Variants in PDE1C observed in about 807,000 individuals in gnomAD.
The protein encoded by PDE1C is dual specificity calcium/calmodulin-dependent 3',5'-cyclic nucleotide phosphodiesterase 1C.
In PDE1C, 62 loss-of-function variants were observed where a neutral mutation model predicts 93.1. The ratio of observed to expected loss-of-function variants is 0.67; its 90% CI spans 0.54 to 0.82. PDE1C has a LOEUF of 0.82. Ranked by LOEUF, PDE1C falls within the 40% of genes least tolerant of loss-of-function variation. The pLI, the probability that PDE1C is intolerant of heterozygous loss-of-function variation, is 0.00. For missense variants in PDE1C, 742 were observed against 884.6 expected (o/e 0.84, Z 2.04); for synonymous variants, 325 against 310.1 (o/e 1.05, Z -0.50).
intron 2 of PDE1C, among the ~76,000 whole-genome samples, chr7:32,046,238 A>T (rs1166675071): frequency 6.6e-6 from 1 of 152,130 alleles, no homozygotes; most frequent in Admixed American, 6.5e-5. Context: ...AAGCCTAAAA[A>T]TCAGCAAAAC....
chr7:31,823,972 G>T (rs534942832), intron 13 of PDE1C, among the ~76,000 whole-genome samples: 2 of 152,074 alleles, frequency 1.3e-5, no homozygotes, highest in Non-Finnish European at 2.9e-5. Flanking sequence ...GAAGAGCTGT[G>T]GGGCCATGGG....
At chr7:32,230,325 T>G (rs541543723) in intron 1 of PDE1C, among the ~76,000 whole-genome samples, 1 of 152,278 alleles carries the variant, frequency 6.6e-6, no homozygotes, top group African/African-American at 2.4e-5. Flanking sequence ...AGCACTTAAT[T>G]TGCTCTTCCT....
intron 17 of PDE1C, among the ~76,000 whole-genome samples, chr7:31,771,840 G>C (rs1158641457): frequency 1.3e-5 from 2 of 152,004 alleles, no homozygotes; most frequent in Non-Finnish European, 2.9e-5. Flanking sequence ...CAGATCACAA[G>C]GTCAGGAGAT....
At position 32,171,488 on chromosome 7, in the gene PDE1C, ATTAT is replaced by A. The variant is rs1802648819; in HGVS notation, c.137-1536_137-1533del. 6.0e-5 allele frequency among the ~76,000 whole-genome samples: 9 copies of A among 149,614 alleles called. No individual in the cohort carries two copies. In the South Asian group the frequency reaches 1.9e-3, roughly 31 times the overall value. On this transcript the variant is annotated intron_variant, in intron 2 of 18. Transcript: ENST00000396193. ...ATACAATAACTATTTACTTAATATT[ATTAT>A]TTTACTTATTATTATTAAAATTAAA...
At chr7:31,690,238 C>T in the PDE1C span, among the ~76,000 whole-genome samples, 2 of 152,176 alleles carry the variant, frequency 1.3e-5, no homozygotes, top group Admixed American at 6.5e-5. Flanking sequence ...AAAAATCTAG[C>T]GTGGTAGATA....
chr7:32,323,147 G>A (rs1783332673), intron 1 of PDE1C, among the ~76,000 whole-genome samples: 1 of 152,176 alleles, frequency 6.6e-6, no homozygotes, highest in South Asian at 2.1e-4. Context: ...CCATGAGCAG[G>A]ATTGTATCAT....
chr7:31,891,922 G>A (rs1272452430), intron 2 of PDE1C, among the ~76,000 whole-genome samples: 1 of 152,080 alleles, frequency 6.6e-6, no homozygotes, highest in African/African-American at 2.4e-5. Context: ...AAATTGTCCT[G>A]TAGTTTTTCA....
At chr7:32,094,638 T>C (rs373568805) in intron 3 of PDE1C, among the ~76,000 whole-genome samples, 1 of 152,196 alleles carries the variant, frequency 6.6e-6, no homozygotes, top group Non-Finnish European at 1.5e-5. Flanking sequence ...CATTATTTCT[T>C]TACTCGTTTG....
intron 1 of PDE1C, among the ~76,000 whole-genome samples, chr7:32,256,580 C>T (rs1809812502): frequency 6.6e-6 from 1 of 152,218 alleles, no homozygotes; most frequent in Non-Finnish European, 1.5e-5. Context: ...CAACAGATTC[C>T]TGTTGCCCAC....
chr7:31,776,108 C>G (rs1782941410), intron 16 of PDE1C, among the ~76,000 whole-genome samples: 1 of 152,192 alleles, frequency 6.6e-6, no homozygotes, highest in Non-Finnish European at 1.5e-5. Context: ...TTCTAATGTG[C>G]ATCCAGGATG....
chr7:31,919,192 G>T (rs1802306105), intron 2 of PDE1C, among the ~76,000 whole-genome samples: 1 of 152,130 alleles, frequency 6.6e-6, no homozygotes, highest in Non-Finnish European at 1.5e-5. Flanking sequence ...CAAGAACTCG[G>T]ACTAGACAGT....
At chr7:31,986,398 C>A (rs930396777) in intron 2 of PDE1C, among the ~76,000 whole-genome samples, 2 of 152,152 alleles carry the variant, frequency 1.3e-5, no homozygotes, top group Non-Finnish European at 2.9e-5. Flanking sequence ...CTAGTTATAT[C>A]TGCAAAGACT....
At chr7:31,916,566 T>G (rs1056027201) in intron 2 of PDE1C, among the ~76,000 whole-genome samples, 5 of 152,160 alleles carry the variant, frequency 3.3e-5, no homozygotes, top group Non-Finnish European at 2.9e-5. Flanking sequence ...TGACCTTACG[T>G]CATGCAAATT....
chr7:31,664,209 A>T, the PDE1C span, among the ~76,000 whole-genome samples: 1 of 152,224 alleles, frequency 6.6e-6, no homozygotes, highest in African/African-American at 2.4e-5. Flanking sequence ...ATTACAGGTG[A>T]GGAGTAGGCA....
intron 1 of PDE1C, among the ~76,000 whole-genome samples, chr7:32,370,092 C>T (rs966508207): frequency 6.6e-5 from 10 of 152,122 alleles, no homozygotes; most frequent in African/African-American, 1.9e-4. Flanking sequence ...AAATGTCCAT[C>T]AATGATAGAC....
chr7:31,715,040 T>C, the PDE1C span, among the ~76,000 whole-genome samples: 1 of 152,182 alleles, frequency 6.6e-6, no homozygotes, highest in Non-Finnish European at 1.5e-5. Flanking sequence ...CAACTGGTTA[T>C]GTAGCATGAG....
chr7:31,905,165 A>C (rs1418980900), intron 2 of PDE1C, among the ~76,000 whole-genome samples: 1 of 152,190 alleles, frequency 6.6e-6, no homozygotes, highest in Non-Finnish European at 1.5e-5. Flanking sequence ...TAGACCCAAG[A>C]AATAAAAAGC....
intron 2 of PDE1C, among the ~76,000 whole-genome samples, chr7:32,010,278 A>G (rs1786901553): frequency 6.6e-6 from 1 of 152,258 alleles, no homozygotes; most frequent in African/African-American, 2.4e-5. Flanking sequence ...GCAGATTGGT[A>G]TTAGCATCAA....
intron 2 of PDE1C, among the ~76,000 whole-genome samples, chr7:32,016,122 C>T (rs1012736899): frequency 6.6e-6 from 1 of 152,222 alleles, no homozygotes; most frequent in African/African-American, 2.4e-5. Context: ...AATATGACTA[C>T]AGAACTGTCC....
Sources: gnomAD v4.1 joint callset for allele counts (sites outside exome capture counted in the v4.1 genomes callset) on GRCh38, gnomAD v4.1.1 for gene constraint, MANE v1.5 for transcripts, NCBI Gene and HGNC (gene_info 2026-07-23, HGNC 2026-07-21) for gene names.